Variants in GMDS observed in about 807,000 individuals in gnomAD.
The protein encoded by GMDS is GDP-mannose 4,6 dehydratase.
In GMDS, 20 loss-of-function variants were observed where a neutral mutation model predicts 49.9. The ratio of observed to expected loss-of-function variants is 0.40; its 90% CI spans 0.28 to 0.58. The LOEUF is 0.58. GMDS is among the 20% of genes least tolerant of loss of function. The pLI is 0.42. For missense variants in GMDS, 362 were observed against 481.4 expected, an observed-to-expected ratio of 0.75 and a Z score of 2.32; for synonymous variants, 177 against 178.6, an observed-to-expected ratio of 0.99 and a Z score of 0.07.
At chr6:1,708,083 G>C (rs186207181) in intron 9 of GMDS, among the ~76,000 whole-genome samples, 1 of 152,172 alleles carries the variant, frequency 6.6e-6, no homozygotes, top group African/African-American at 2.4e-5. Flanking sequence ...GCACTCATCC[G>C]ATTTTAATGG....
intron 1 of GMDS, among the ~76,000 whole-genome samples, chr6:2,237,363 C>T (rs1246953291): frequency 6.6e-6 from 1 of 152,164 alleles, no homozygotes; most frequent in East Asian, 1.9e-4. Context: ...GATTACCTTT[C>T]AGACATGTTT....
intron 8 of GMDS, among the ~76,000 whole-genome samples, 193 bp downstream of exon 8, chr6:1,742,275 G>A (rs1444564204): frequency 6.6e-6 from 1 of 152,082 alleles, no homozygotes; most frequent in Non-Finnish European, 1.5e-5. Context: ...TTTAGATGCT[G>A]ACCAACATCT....
chr6:1,687,476 C>T (rs12203057), intron 9 of GMDS, among the ~76,000 whole-genome samples: 46,902 of 151,734 alleles, frequency 0.31, 8,085 homozygotes, highest in Middle Eastern at 0.46. Context: ...CAGCCCAGAA[C>T]GCTTCCCATT....
In GMDS at chr6:2,172,692, C is replaced by CA. The variant is rs1186388501; in HGVS notation, c.103-47962dup. ...GGGCGACACAGTGAGGCTCCATCTC[C>CA]AAAAAAAAAACAGAATTGATATGAC... On this transcript the variant is annotated intron_variant, in intron 1 of 10. Coordinates refer to ENST00000380815, the MANE Select transcript of GMDS (RefSeq NM_001500.4). Among the ~76,000 whole-genome samples, 566 of 141,858 alleles carry CA rather than the reference C, an allele frequency of 4.0e-3. 7 individuals are homozygous for CA. Among genetic ancestry groups the CA allele is most frequent in the African/African-American group, 0.013 (498 of 39,192 alleles). The allele number at this position is 141,858 out of a possible 152,430, so 93.1% of individuals were successfully genotyped here.
intron 7 of GMDS, among the ~76,000 whole-genome samples, chr6:1,808,382 C>T (rs1306382794): frequency 2.0e-5 from 3 of 152,142 alleles, no homozygotes; most frequent in African/African-American, 4.8e-5. Flanking sequence ...CCACTTCTAC[C>T]ACACATACTG....
intron 6 of GMDS, among the ~76,000 whole-genome samples, chr6:1,940,285 C>A (rs1369885603): frequency 6.6e-6 from 1 of 152,230 alleles, no homozygotes; most frequent in Non-Finnish European, 1.5e-5. Flanking sequence ...TTGCTCAATA[C>A]TTCATCCAAA....
At chr6:1,676,763 T>G (rs531160403) in intron 9 of GMDS, among the ~76,000 whole-genome samples, 3 of 152,208 alleles carry the variant, frequency 2.0e-5, no homozygotes, top group African/African-American at 7.2e-5. Flanking sequence ...CTTCCTTACA[T>G]CTTATAGAAA....
At chr6:2,131,267 ACT>A (rs536194729) in intron 1 of GMDS, among the ~76,000 whole-genome samples, 2 of 152,276 alleles carry the variant, frequency 1.3e-5, no homozygotes, top group African/African-American at 4.8e-5. Context: ...ATTTAGGCAA[ACT>A]CTATAAGAAA....
At chr6:1,960,683 G>T in intron 5 of GMDS, 91 bp downstream of exon 5, 1 of 793,142 alleles carries the variant, frequency 1.3e-6, no homozygotes, top group Non-Finnish European at 2.0e-6. Context: ...CTTCAGCTGT[G>T]AGACATGAAC....
At chr6:1,908,695 G>C (rs955783555) in intron 7 of GMDS, among the ~76,000 whole-genome samples, 1 of 152,170 alleles carries the variant, frequency 6.6e-6, no homozygotes, top group Non-Finnish European at 1.5e-5. Context: ...ACTGCTGCTC[G>C]AAGGCTTGAT....
At chr6:1,651,104 C>G (rs1763640560) in intron 9 of GMDS, among the ~76,000 whole-genome samples, 1 of 152,162 alleles carries the variant, frequency 6.6e-6, no homozygotes, top group South Asian at 2.1e-4. Flanking sequence ...GTGGGTGCAC[C>G]TGCCCTGCTG....
intron 7 of GMDS, among the ~76,000 whole-genome samples, chr6:1,859,683 G>A (rs1335510766): frequency 6.6e-6 from 1 of 152,208 alleles, no homozygotes; most frequent in Non-Finnish European, 1.5e-5. Flanking sequence ...TGGACCAGGA[G>A]TGAAGACTGA....
intron 4 of GMDS, among the ~76,000 whole-genome samples, chr6:2,068,151 C>A (rs1771739770): frequency 6.6e-6 from 1 of 151,432 alleles, no homozygotes. Flanking sequence ...ATAAACAGAA[C>A]CAAAGACAAA....
intron 6 of GMDS, among the ~76,000 whole-genome samples, chr6:1,931,440 T>A (rs1322744299): frequency 6.6e-6 from 1 of 152,182 alleles, no homozygotes; most frequent in East Asian, 1.9e-4. Flanking sequence ...AGAAATACAA[T>A]GGGACTACCG....
intron 7 of GMDS, among the ~76,000 whole-genome samples, chr6:1,879,618 G>T (rs1759267333): frequency 6.6e-6 from 1 of 151,374 alleles, no homozygotes; most frequent in African/African-American, 2.4e-5. Flanking sequence ...GAGATAGAGA[G>T]AAGTGCCTTT....
At chr6:1,890,368 G>A (rs1036215695) in intron 7 of GMDS, among the ~76,000 whole-genome samples, 8 of 152,146 alleles carry the variant, frequency 5.3e-5, no homozygotes, top group Non-Finnish European at 7.4e-5. Context: ...CATGTCGGCT[G>A]AATATTTTCT....
At chr6:1,630,775 G>A (rs865904392) in intron 9 of GMDS, among the ~76,000 whole-genome samples, 37 of 152,086 alleles carry the variant, frequency 2.4e-4, no homozygotes, top group Admixed American at 1.2e-3. Context: ...TTCTTGATCC[G>A]GTGCTTACAG....
intron 2 of GMDS, among the ~76,000 whole-genome samples, chr6:2,121,807 C>T (rs961940973): frequency 1.3e-5 from 2 of 152,108 alleles, no homozygotes; most frequent in African/African-American, 4.8e-5. Flanking sequence ...TTGTTTTTGC[C>T]TACACCACCC....
At chr6:2,178,016 T>C (rs925697967) in intron 1 of GMDS, among the ~76,000 whole-genome samples, 2 of 152,204 alleles carry the variant, frequency 1.3e-5, no homozygotes, top group African/African-American at 4.8e-5. Context: ...GCCATTATCC[T>C]AAGCAAACTA....
Sources: allele counts gnomAD v4.1 joint callset (sites outside exome capture counted in the v4.1 genomes callset), GRCh38; gene constraint gnomAD v4.1.1; transcripts MANE v1.5; gene names NCBI Gene and HGNC (gene_info 2026-07-23, HGNC 2026-07-21).